EPHA3: variants seen among roughly 807,000 people sequenced by gnomAD.
EPHA3 encodes EPH receptor A3, also known as ephrin type-A receptor 3.
A neutral mutation model predicts 107.1 loss-of-function variants in EPHA3; 42 were observed. The ratio of observed to expected loss-of-function variants is 0.39; its 90% CI spans 0.31 to 0.51. The LOEUF (loss-of-function observed/expected upper bound fraction) is 0.51, where lower values mean the gene tolerates loss of function less well. EPHA3 is among the 20% of genes least tolerant of loss of function. The pLI, the probability that EPHA3 is intolerant of heterozygous loss-of-function variation, is 0.78. For missense variants in EPHA3, 1,183 were observed against 1,211.2 expected, an observed-to-expected ratio of 0.98 and a Z score of 0.35; for synonymous variants, 461 against 424.8, an observed-to-expected ratio of 1.09 and a Z score of -1.05.
chr3:89,113,963 C>T (rs1368835764), intron 1 of EPHA3, among the ~76,000 whole-genome samples: 1 of 152,144 alleles, frequency 6.6e-6, no homozygotes, highest in African/African-American at 2.4e-5. Context: ...AAACTAGAAG[C>T]CCTGAGTGTG....
At chr3:89,435,966 A>ATAAT (rs146399331) in intron 13 of EPHA3, among the ~76,000 whole-genome samples, 5,193 of 150,478 alleles carry the variant, frequency 0.035, 135 homozygotes, top group South Asian at 0.06. Flanking sequence ...AATAATAATA[A>ATAAT]TAATTAATTA....
intron 2 of EPHA3, among the ~76,000 whole-genome samples, chr3:89,208,536 G>C (rs571831453): frequency 7.2e-6 from 1 of 139,824 alleles, no homozygotes; most frequent in Non-Finnish European, 1.6e-5. Flanking sequence ...AAGAAAGAAA[G>C]AAAAAAAGAA....
chr3:89,445,919 G>C (rs1434092253), intron 13 of EPHA3, among the ~76,000 whole-genome samples: 1 of 152,096 alleles, frequency 6.6e-6, no homozygotes, highest in African/African-American at 2.4e-5. Context: ...ATAGTATAAA[G>C]GTCACCTGAT....
chr3:89,275,169 A>T (rs1705775919), intron 3 of EPHA3, among the ~76,000 whole-genome samples: 1 of 151,982 alleles, frequency 6.6e-6, no homozygotes, highest in Admixed American at 6.6e-5. Context: ...TATATATATC[A>T]ACCCAAAATT....
rs142801608 is a variant in EPHA3 at position 89,476,518 on chromosome 3, T to TTA, written c.2847-2867_2847-2866dup. Among the ~76,000 whole-genome samples, 60 of 146,908 alleles carry TTA rather than the reference T, an allele frequency of 4.1e-4. No homozygotes were observed. In the South Asian group the frequency reaches 5.5e-3, roughly 13 times the overall value. On this transcript the variant is annotated intron_variant, in intron 16 of 16. Coordinates refer to ENST00000336596, the MANE Select transcript of EPHA3 (RefSeq NM_005233.6). Reference sequence around the variant, plus strand: ...ATTACTGCATTGGAATATATAAATATTATATATATATATTTACTCATATAA... The same window carrying TTA: ...ATTACTGCATTGGAATATATAAATATTATATATATATATATTTACTCATATAA...
At chr3:89,386,889 G>A (rs1182254315) in intron 5 of EPHA3, among the ~76,000 whole-genome samples, 4 of 152,216 alleles carry the variant, frequency 2.6e-5, no homozygotes, top group Admixed American at 2.6e-4. Flanking sequence ...TGCCTTGTTT[G>A]ATTTTGGACT....
intron 2 of EPHA3, among the ~76,000 whole-genome samples, chr3:89,186,172 A>T (rs1407398897): frequency 6.6e-6 from 1 of 151,764 alleles, no homozygotes; most frequent in Non-Finnish European, 1.5e-5. Context: ...TAGTGAGTCC[A>T]CCTTATTTTT....
intron 3 of EPHA3, among the ~76,000 whole-genome samples, chr3:89,300,459 A>G (rs1386972756): frequency 2.6e-5 from 4 of 152,060 alleles, no homozygotes; most frequent in Admixed American, 6.6e-5. Context: ...CAACACAGAC[A>G]TACAAATAAA....
intron 2 of EPHA3, among the ~76,000 whole-genome samples, chr3:89,185,481 A>T (rs917041922): frequency 2.0e-5 from 3 of 152,086 alleles, no homozygotes; most frequent in Admixed American, 6.6e-5. Context: ...AGATATCAAC[A>T]GATATTGTGA....
Position 89,374,882 on chromosome 3 carries a change from T to C in EPHA3, c.1307-20955T>C, listed in dbSNP as rs192210947. Among the ~76,000 whole-genome samples, 447 of 151,874 alleles carry C rather than the reference T, an allele frequency of 2.9e-3. 2 individuals carry two copies. Among genetic ancestry groups the C allele is most frequent in the Middle Eastern group, 0.027 (8 of 294 alleles). On this transcript the variant is annotated intron_variant, in intron 5 of 16. Transcript: ENST00000336596. ...AGTAGACAGAAAAATAGAGACTTCA[T>C]TGAAAAAAAGTAATGCCACTAAACC...
At chr3:89,278,331 T>G (rs1576284695) in intron 3 of EPHA3, among the ~76,000 whole-genome samples, 1 of 152,180 alleles carries the variant, frequency 6.6e-6, no homozygotes, top group Non-Finnish European at 1.5e-5. Flanking sequence ...GCCCTGTAGG[T>G]GGCTGAAGCC....
chr3:89,383,493 T>G (rs1191006752), intron 5 of EPHA3, among the ~76,000 whole-genome samples: 2 of 152,120 alleles, frequency 1.3e-5, no homozygotes, highest in Non-Finnish European at 2.9e-5. Context: ...CCTGCAAGCA[T>G]CCACCTGCCC....
chr3:89,358,100 A>T (rs1708005538), intron 5 of EPHA3, among the ~76,000 whole-genome samples: 1 of 151,228 alleles, frequency 6.6e-6, no homozygotes, highest in Non-Finnish European at 1.5e-5. Context: ...TAATAAAGTT[A>T]TAGAAAGTAT....
At chr3:89,203,874 T>A (rs1467488818) in intron 2 of EPHA3, among the ~76,000 whole-genome samples, 1 of 152,002 alleles carries the variant, frequency 6.6e-6, no homozygotes, top group Non-Finnish European at 1.5e-5. Flanking sequence ...CTTCTCTCAG[T>A]CTAGGGGTAT....
chr3:89,268,199 C>T (rs1276352541), intron 3 of EPHA3, among the ~76,000 whole-genome samples: 1 of 152,116 alleles, frequency 6.6e-6, no homozygotes, highest in South Asian at 2.1e-4. Flanking sequence ...CCAGCCCACA[C>T]AAGTCAGTAG....
chr3:89,243,788 T>C lies in EPHA3; in HGVS notation c.814+33268T>C, dbSNP rs1704967565. On this transcript the variant is annotated intron_variant, in intron 3 of 16. Transcript: ENST00000336596. ...AGTATTTTCTTTATAATTTTTGTCT[T>C]CTTTAGTTAATGCTTAAAACACTTG... Among the ~76,000 whole-genome samples the C allele has an allele frequency of 2.6e-5, 4 of 152,184 alleles. No homozygotes were observed. In the South Asian group the frequency reaches 8.3e-4, roughly 32 times the overall value.
At chr3:89,278,679 T>A (rs1381222049) in intron 3 of EPHA3, among the ~76,000 whole-genome samples, 1 of 151,954 alleles carries the variant, frequency 6.6e-6, no homozygotes, top group East Asian at 1.9e-4. Context: ...GAAATAGAGG[T>A]CGCTCTGCTA....
At chr3:89,231,675 A>T (rs768303313) in intron 3 of EPHA3, among the ~76,000 whole-genome samples, 3 of 152,174 alleles carry the variant, frequency 2.0e-5, no homozygotes, top group Non-Finnish European at 4.4e-5. Context: ...CTCAGGTGAT[A>T]TGAACTTTAG....
chr3:89,368,369 T>A lies in EPHA3; in HGVS notation c.1306+26279T>A, dbSNP rs561478895. Among the ~76,000 whole-genome samples, 14 of 150,402 alleles carry A rather than the reference T, an allele frequency of 9.3e-5. No homozygotes were observed. The South Asian group carries it at 2.9e-3, about 31-fold the overall frequency. On this transcript the variant is annotated intron_variant, in intron 5 of 16. Transcript: ENST00000336596. ...CCAGAAAAACAGAACCAGTGGGTTA[T>A]GTAGAGATATGTAAGAGGAGATTTA...
Sources: gnomAD v4.1 joint callset for allele counts (sites outside exome capture counted in the v4.1 genomes callset) on GRCh38, gnomAD v4.1.1 for gene constraint, MANE v1.5 for transcripts, NCBI Gene and HGNC (gene_info 2026-07-23, HGNC 2026-07-21) for gene names.